COMMD1: variants seen among roughly 807,000 people sequenced by gnomAD.
COMMD1 encodes the protein copper metabolism domain containing 1.
In COMMD1, 10 loss-of-function variants were observed where a neutral mutation model predicts 17.2. The ratio of observed to expected loss-of-function variants is 0.58; its 90% CI spans 0.36 to 0.99. The LOEUF (loss-of-function observed/expected upper bound fraction) is 0.99, where lower values mean the gene tolerates loss of function less well. Among genes scored for constraint, COMMD1 ranks in the 50% least tolerant of loss-of-function variants. COMMD1 has a pLI of 0.01. For missense variants in COMMD1, 270 were observed against 231.8 expected (o/e 1.17, Z -1.07); for synonymous variants, 97 against 91.6 (o/e 1.06, Z -0.34).
At chr2:62,042,779 C>CACCA (rs1379044393) in intron 2 of COMMD1, among the ~76,000 whole-genome samples, 2 of 152,160 alleles carry the variant, frequency 1.3e-5, no homozygotes, top group Admixed American at 6.5e-5. Context: ...AAGCATAAGC[C>CACCA]ACCACACACC....
chr2:61,905,974 G>T, intron 1 of COMMD1, 116 bp downstream of exon 1: 1 of 1,003,146 alleles, frequency 1.0e-6, no homozygotes, highest in Non-Finnish European at 1.5e-6. Context: ...TTCCCTCTCA[G>T]ACCTCCACTC....
chr2:61,902,240 G>C (rs1457721635), upstream of COMMD1, among the ~76,000 whole-genome samples: 1 of 150,958 alleles, frequency 6.6e-6, no homozygotes, highest in Non-Finnish European at 1.5e-5. Flanking sequence ...GGGCACGGTG[G>C]CTCACGCCTG....
At chr2:62,037,987 T>A (rs1349873329) in intron 2 of COMMD1, among the ~76,000 whole-genome samples, 1 of 152,044 alleles carries the variant, frequency 6.6e-6, no homozygotes, top group Non-Finnish European at 1.5e-5. Context: ...TGGATAGTGG[T>A]CTTAAAAACT....
At chr2:62,050,552 C>T (rs546726986) in intron 2 of COMMD1, among the ~76,000 whole-genome samples, 5 of 152,144 alleles carry the variant, frequency 3.3e-5, no homozygotes, top group Non-Finnish European at 7.4e-5. Flanking sequence ...CTTGTCTTCT[C>T]TGCTACTATG....
chr2:62,061,657 G>A (rs1418077692), intron 2 of COMMD1, among the ~76,000 whole-genome samples: 4 of 150,250 alleles, frequency 2.7e-5, no homozygotes, highest in African/African-American at 9.8e-5. Context: ...CCAGGTTCAA[G>A]CGATTCTCCT....
intron 2 of COMMD1, among the ~76,000 whole-genome samples, chr2:62,113,500 C>G (rs903128750): frequency 3.9e-5 from 6 of 152,172 alleles, no homozygotes; most frequent in African/African-American, 1.4e-4. Context: ...TCCCCTGCCC[C>G]AGCCTCCTGA....
At chr2:62,117,270 G>A (rs956359794) in intron 2 of COMMD1, among the ~76,000 whole-genome samples, 2 of 152,192 alleles carry the variant, frequency 1.3e-5, no homozygotes, top group African/African-American at 4.8e-5. Context: ...CTACCAAAAT[G>A]TATGTACTCG....
chr2:62,021,146 C>T (rs1669602865), intron 2 of COMMD1, among the ~76,000 whole-genome samples: 1 of 152,154 alleles, frequency 6.6e-6, no homozygotes, highest in African/African-American at 2.4e-5. Context: ...ATAGCTGTGT[C>T]CTCAACCACA....
chr2:62,058,525 C>G (rs903166168), intron 2 of COMMD1, among the ~76,000 whole-genome samples: 1 of 152,064 alleles, frequency 6.6e-6, no homozygotes, highest in Non-Finnish European at 1.5e-5. Context: ...CCTGTAATTG[C>G]AGCACTGGGA....
chr2:62,050,702 A>T (rs1472830114), intron 2 of COMMD1, among the ~76,000 whole-genome samples: 4 of 152,236 alleles, frequency 2.6e-5, no homozygotes, highest in Non-Finnish European at 5.9e-5. Flanking sequence ...GTCATGTGGT[A>T]GTTAAAAATA....
intron 1 of COMMD1, among the ~76,000 whole-genome samples, chr2:61,977,671 G>A (rs1022368314): frequency 4.0e-5 from 6 of 151,508 alleles, no homozygotes; most frequent in African/African-American, 1.5e-4. Context: ...TAAAAATATA[G>A]AATTGTTTTG....
intron 1 of COMMD1, among the ~76,000 whole-genome samples, chr2:61,892,407 G>C (rs1199822172): frequency 6.6e-6 from 1 of 152,132 alleles, no homozygotes; most frequent in East Asian, 1.9e-4. Context: ...AAAGAAGAGA[G>C]GAGGGGCCAG....
intron 1 of COMMD1, among the ~76,000 whole-genome samples, chr2:61,949,381 G>A (rs1026572609): frequency 4.6e-5 from 7 of 152,134 alleles, no homozygotes; most frequent in African/African-American, 1.7e-4. Flanking sequence ...CTGGGAAGAA[G>A]AGTTCCAGCC....
chr2:61,925,052 C>G (rs1430521438), intron 1 of COMMD1, among the ~76,000 whole-genome samples: 2 of 152,140 alleles, frequency 1.3e-5, no homozygotes, highest in Admixed American at 1.3e-4. Flanking sequence ...AGTCTCTTCA[C>G]TCACCCTGGT....
At chr2:61,962,711 G>C (rs949944625) in intron 1 of COMMD1, among the ~76,000 whole-genome samples, 1 of 152,116 alleles carries the variant, frequency 6.6e-6, no homozygotes, top group African/African-American at 2.4e-5. Flanking sequence ...ACAGTACTCT[G>C]TGTATATTGT....
At chr2:62,110,382 C>T (rs1424838026) in intron 2 of COMMD1, among the ~76,000 whole-genome samples, 1 of 152,184 alleles carries the variant, frequency 6.6e-6, no homozygotes, top group Non-Finnish European at 1.5e-5. Flanking sequence ...AGGGCAGACA[C>T]TATTATTTAA....
intron 2 of COMMD1, among the ~76,000 whole-genome samples, chr2:62,103,004 A>C (rs1287172824): frequency 7.0e-6 from 1 of 143,280 alleles, no homozygotes; most frequent in South Asian, 2.2e-4. Context: ...TTTGAGACGG[A>C]GGCTCGCTCT....
At chr2:61,966,282 A>G (rs1558540350) in intron 1 of COMMD1, among the ~76,000 whole-genome samples, 1 of 152,116 alleles carries the variant, frequency 6.6e-6, no homozygotes, top group Non-Finnish European at 1.5e-5. Context: ...TCCTTGCATG[A>G]TGATTATTAC....
At chr2:61,979,261 G>A (rs966939718) in intron 1 of COMMD1, among the ~76,000 whole-genome samples, 1 of 151,992 alleles carries the variant, frequency 6.6e-6, no homozygotes. Context: ...GGTGGATCAC[G>A]AGGTCAGGGG....
Sources: gnomAD v4.1 joint callset for allele counts (sites outside exome capture counted in the v4.1 genomes callset) on GRCh38, gnomAD v4.1.1 for gene constraint, MANE v1.5 for transcripts, NCBI Gene and HGNC (gene_info 2026-07-23, HGNC 2026-07-21) for gene names.